WDR7: variants seen among roughly 807,000 people sequenced by gnomAD.
WDR7 encodes the protein WD repeat-containing protein 7.
A neutral mutation model predicts 169.4 loss-of-function variants in WDR7; 46 were observed. The observed-to-expected ratio is 0.27, with a 90% CI of 0.21 to 0.35. The LOEUF (loss-of-function observed/expected upper bound fraction) is 0.35, where lower values mean the gene tolerates loss of function less well. Ranked by LOEUF, WDR7 falls within the 10% of genes least tolerant of loss-of-function variation. The pLI is 1.00. For missense variants in WDR7, 1,534 were observed against 1,859.3 expected (o/e 0.83, Z 3.22); for synonymous variants, 612 against 666.8 (o/e 0.92, Z 1.27).
intron 20 of WDR7, among the ~76,000 whole-genome samples, chr18:56,844,490 T>G (rs2045538704): frequency 6.6e-6 from 1 of 152,196 alleles, no homozygotes; most frequent in African/African-American, 2.4e-5. Flanking sequence ...AAGATTAGAC[T>G]CTAAATTGAA....
Position 56,936,063 on chromosome 18 carries a change from A to G in WDR7, c.3831+158A>G, listed in dbSNP as rs1271280794. The G allele has an allele frequency of 1.3e-5, 8 of 634,940 alleles. No homozygotes were observed. The African/African-American group carries it at 1.5e-4, about 12-fold the overall frequency. The allele number at this position is 634,940 out of a possible 1,614,324, so 39.3% of individuals were successfully genotyped here. On this transcript the variant is annotated intron_variant, in intron 23 of 27. Transcript: ENST00000254442. Reference sequence around the variant, plus strand: ...GAAATGAACACATGTGTCTGTGTGCATGTACACTGAATTCCACGGTGTGGT... The same window carrying G: ...GAAATGAACACATGTGTCTGTGTGCGTGTACACTGAATTCCACGGTGTGGT...
intron 21 of WDR7, among the ~76,000 whole-genome samples, chr18:56,890,104 G>A (rs967686212): frequency 1.3e-5 from 2 of 152,122 alleles, no homozygotes; most frequent in African/African-American, 4.8e-5. Flanking sequence ...AATAAAAATG[G>A]ATAAGAACCA....
rs193195860 is a variant in WDR7, at chr18:56,986,554, G to C, written c.4164+24025G>C. Reference sequence around the variant, plus strand: ...TTTAAATTAAAGCTTTCAGAAGTGTGGCTTCAGAGGGTGGGGTGGTATATA... The same window carrying C: ...TTTAAATTAAAGCTTTCAGAAGTGTCGCTTCAGAGGGTGGGGTGGTATATA... On this transcript the variant is annotated intron_variant, in intron 26 of 27. Coordinates refer to ENST00000254442, the MANE Select transcript of WDR7 (RefSeq NM_015285.3). Among the ~76,000 whole-genome samples, 553 of 152,102 alleles carry C rather than the reference G, an allele frequency of 3.6e-3. 3 individuals carry two copies. The highest frequency in any genetic ancestry group is 6.5e-3 in the Non-Finnish European group (441 of 67,988).
intron 1 of WDR7, among the ~76,000 whole-genome samples, chr18:56,658,887 A>G (rs1568121691): frequency 1.4e-5 from 2 of 147,342 alleles, no homozygotes; most frequent in Non-Finnish European, 3.0e-5. Flanking sequence ...TAATTTTTGT[A>G]TTTTTTTTTT....
In WDR7 at chr18:56,668,826, C is replaced by G. The variant is rs149585099; in HGVS notation, c.-19-3671C>G. On this transcript the variant is annotated intron_variant, in intron 1 of 27. Coordinates refer to ENST00000254442, the MANE Select transcript of WDR7 (RefSeq NM_015285.3). Reference sequence around the variant, plus strand: ...GTATTAACCTGTTGGAAAGTCCAACCTTATTGAATATTAAGTACTGGAAAA... The same window carrying G: ...GTATTAACCTGTTGGAAAGTCCAACGTTATTGAATATTAAGTACTGGAAAA... Among the ~76,000 whole-genome samples, 492 of 151,340 alleles carry G rather than the reference C, an allele frequency of 3.3e-3. 5 individuals are homozygous for G. The highest frequency in any genetic ancestry group is 0.023 in the South Asian group (108 of 4,778).
intron 19 of WDR7, among the ~76,000 whole-genome samples, chr18:56,803,001 G>A (rs185311271): frequency 5.4e-4 from 82 of 151,306 alleles, no homozygotes; most frequent in Non-Finnish European, 1.0e-3. Flanking sequence ...CTTGTTTCAT[G>A]CTTTTTATCA....
In WDR7 at chr18:56,971,429, G is replaced by A. The variant is rs146677453; in HGVS notation, c.4164+8900G>A. ...CAAACTTATGATGGCTCTTATGTGC[G>A]CCAGACACTGTATTATAGGCAAGAG... On this transcript the variant is annotated intron_variant, in intron 26 of 27. Coordinates refer to ENST00000254442, the MANE Select transcript of WDR7 (RefSeq NM_015285.3). 1.9e-3 allele frequency among the ~76,000 whole-genome samples: 287 copies of A among 152,052 alleles called. 1 individual carries two copies. The highest frequency in any genetic ancestry group is 2.8e-3 in the Admixed American group (42 of 15,268).
intron 21 of WDR7, among the ~76,000 whole-genome samples, chr18:56,896,805 C>T (rs940733572): frequency 3.3e-5 from 5 of 151,634 alleles, no homozygotes; most frequent in Admixed American, 3.3e-4. Flanking sequence ...CAAACCAAGC[C>T]ACTAAGAAGA....
At chr18:56,935,990 C>A in intron 23 of WDR7, 85 bp downstream of exon 23, 2 of 1,235,916 alleles carry the variant, frequency 1.6e-6, no homozygotes, top group East Asian at 2.3e-5. Context: ...ATCCACAAAT[C>A]CCCTTTACAG....
chr18:56,876,883 T>C (rs2046030638), intron 20 of WDR7, among the ~76,000 whole-genome samples: 1 of 152,116 alleles, frequency 6.6e-6, no homozygotes, highest in Non-Finnish European at 1.5e-5. Context: ...ACCAAAGTAC[T>C]TTTTAAAACT....
chr18:56,659,014 C>CT (rs2024842850), intron 1 of WDR7, among the ~76,000 whole-genome samples: 1 of 152,166 alleles, frequency 6.6e-6, no homozygotes, highest in Non-Finnish European at 1.5e-5. Context: ...CCGCGCCCGG[C>CT]CCCCTGTACT....
chr18:56,970,260 T>C (rs1599205440), intron 26 of WDR7, among the ~76,000 whole-genome samples: 1 of 151,358 alleles, frequency 6.6e-6, no homozygotes, highest in Non-Finnish European at 1.5e-5. Flanking sequence ...TGTTTTTTTT[T>C]TCCCCCAGGA....
chr18:56,987,664 T>C (rs1599222388), intron 26 of WDR7, among the ~76,000 whole-genome samples: 1 of 152,232 alleles, frequency 6.6e-6, no homozygotes, highest in Non-Finnish European at 1.5e-5. Flanking sequence ...TTTGGTGCTA[T>C]GATTTTTTTT....
chr18:56,845,684 T>C (rs2045556089), intron 20 of WDR7, among the ~76,000 whole-genome samples: 1 of 152,194 alleles, frequency 6.6e-6, no homozygotes, highest in South Asian at 2.1e-4. Flanking sequence ...ATTAAAATCA[T>C]GATTCAAATT....
At chr18:56,813,104 G>A (rs1012418595) in intron 19 of WDR7, among the ~76,000 whole-genome samples, 6 of 150,682 alleles carry the variant, frequency 4.0e-5, no homozygotes, top group East Asian at 2.0e-4. Flanking sequence ...TGGGTGCAGC[G>A]CACCAGCATG....
At chr18:56,870,217 ATTG>A (rs1439671608) in intron 20 of WDR7, among the ~76,000 whole-genome samples, 3 of 152,102 alleles carry the variant, frequency 2.0e-5, no homozygotes, top group African/African-American at 7.2e-5. Context: ...TTTTTTTCCT[ATTG>A]TTAGCAAGCT....
intron 22 of WDR7, among the ~76,000 whole-genome samples, chr18:56,930,015 AG>A (rs1277829776): frequency 1.3e-5 from 2 of 152,172 alleles, no homozygotes; most frequent in East Asian, 3.9e-4. Flanking sequence ...TTCATGTGGC[AG>A]GGCCTTTACT....
At chr18:56,815,588 C>T (rs2044952002) in intron 19 of WDR7, among the ~76,000 whole-genome samples, 1 of 152,028 alleles carries the variant, frequency 6.6e-6, no homozygotes, top group South Asian at 2.1e-4. Flanking sequence ...GTTACTTAGC[C>T]CCAGGGCACA....
intron 14 of WDR7, among the ~76,000 whole-genome samples, chr18:56,744,245 G>GAAAAAAAAAAAAACA (rs2043667432): frequency 1.2e-5 from 1 of 86,884 alleles, no homozygotes; most frequent in Non-Finnish European, 2.2e-5. Context: ...TCTCAAAAAA[G>GAAAAAAAAAAAAACA]AAAAAAAAAA....
Sources: gnomAD v4.1 joint callset for allele counts (sites outside exome capture counted in the v4.1 genomes callset) on GRCh38, gnomAD v4.1.1 for gene constraint, MANE v1.5 for transcripts, NCBI Gene and HGNC (gene_info 2026-07-23, HGNC 2026-07-21) for gene names.